The following CLCN3 variants were observed in gnomAD, a reference collection of about 807,000 sequenced individuals.
CLCN3 encodes the protein H(+)/Cl(-) exchange transporter 3.
A neutral mutation model predicts 83.4 loss-of-function variants in CLCN3; 16 were observed. The ratio of observed to expected loss-of-function variants is 0.19; its 90% CI spans 0.13 to 0.29. The LOEUF (loss-of-function observed/expected upper bound fraction) is 0.29. Among genes scored for constraint, CLCN3 ranks in the 10% least tolerant of loss-of-function variants. The pLI is 1.00. For missense variants in CLCN3, 544 were observed against 1,006.0 expected (o/e 0.54, Z 6.21); for synonymous variants, 322 against 346.2 (o/e 0.93, Z 0.78).
intron 4 of CLCN3, among the ~76,000 whole-genome samples, chr4:169,688,394 C>T (rs1023998203): frequency 6.6e-6 from 1 of 152,180 alleles, no homozygotes; most frequent in African/African-American, 2.4e-5. Context: ...GTTATAATCA[C>T]TTTCAGCTTC....
chr4:169,718,387 C>T (rs1056946385), intron 12 of CLCN3, among the ~76,000 whole-genome samples: 2 of 151,990 alleles, frequency 1.3e-5, no homozygotes, highest in African/African-American at 4.8e-5. Flanking sequence ...GGCACACTAA[C>T]TAGAGTGTAA....
Position 169,723,593 on chromosome 4 carries a change from A to G in CLCN3, c.*3596A>G, listed in dbSNP as rs1733703314. ...TGGACATTTGCTAATAGAACTGCCA[A>G]AAGAGGGTGGTAAGTAACAACCTTT... On this transcript the variant is annotated 3_prime_UTR_variant, in exon 13 of 13. Coordinates refer to ENST00000513761, the MANE Select transcript of CLCN3 (RefSeq NM_001829.4). 1 of 152,352 alleles carries G rather than the reference A, an allele frequency of 6.6e-6. No homozygotes were observed. The highest frequency in any genetic ancestry group is 1.9e-4 in the East Asian group (1 of 5,188). 9.4% of individuals were successfully genotyped at this position (152,352 alleles called of 1,614,324 possible).
chr4:169,690,026 G>A (rs943221737), intron 5 of CLCN3, among the ~76,000 whole-genome samples: 1 of 151,926 alleles, frequency 6.6e-6, no homozygotes, highest in African/African-American at 2.4e-5. Context: ...CTTGGTATAT[G>A]TAGGCATTAA....
rs1581271548 is a variant in CLCN3, at chr4:169,703,944, C to G, written c.1564-54C>G. 1.3e-5 allele frequency: 19 copies of G among 1,517,716 alleles called. No individual in the cohort carries two copies. The East Asian group carries it at 4.3e-4, about 34-fold the overall frequency. The allele number at this position is 1,517,716 out of a possible 1,614,324, so 94.0% of individuals were successfully genotyped here. A position where few individuals can be genotyped will look rare whatever the true frequency, so the allele number is the denominator to read the frequency against. On this transcript the variant is annotated intron_variant, in intron 9 of 12. Coordinates refer to ENST00000513761, the MANE Select transcript of CLCN3 (RefSeq NM_001829.4). ...AAATAAATGCATAGAATGTAAGTTT[C>G]AGGCATGTGAGTAGAGGATCTCTGC... is the stretch of plus-strand genomic sequence containing the variant.
chr4:169,695,735 C>T (rs1732537299), intron 8 of CLCN3, 43 bp downstream of exon 8: 1 of 1,274,528 alleles, frequency 7.8e-7, no homozygotes, highest in Non-Finnish European at 1.1e-6. Context: ...ATATAATTAC[C>T]ATTACAAATA....
intron 4 of CLCN3, among the ~76,000 whole-genome samples, chr4:169,688,731 TA>T (rs1732254986): frequency 6.6e-6 from 1 of 152,180 alleles, no homozygotes. Flanking sequence ...GATTGAAAAT[TA>T]GATTTGTGAA....
chr4:169,643,743 T>C (rs1173424034), intron 2 of CLCN3, among the ~76,000 whole-genome samples: 1 of 152,154 alleles, frequency 6.6e-6, no homozygotes, highest in Non-Finnish European at 1.5e-5. Context: ...ACTATGTTGC[T>C]CAGGCTGATG....
intron 2 of CLCN3, among the ~76,000 whole-genome samples, chr4:169,651,177 T>A (rs997911307): frequency 7.9e-5 from 12 of 152,008 alleles, no homozygotes; most frequent in African/African-American, 1.9e-4. Flanking sequence ...GCAAAAAAAA[T>A]TTTTCTTCTT....
At chr4:169,630,967 A>G (rs1206864859) in intron 1 of CLCN3, among the ~76,000 whole-genome samples, 1 of 152,220 alleles carries the variant, frequency 6.6e-6, no homozygotes. Flanking sequence ...TCTTTTGGGT[A>G]TATACCCAGT....
chr4:169,709,382 T>TAA (rs111680594), intron 11 of CLCN3, among the ~76,000 whole-genome samples: 7 of 145,246 alleles, frequency 4.8e-5, no homozygotes, highest in African/African-American at 7.5e-5. Context: ...GCTGAGACTT[T>TAA]AAAAAAAAAA....
At chr4:169,715,502 T>C (rs993695970) in intron 12 of CLCN3, among the ~76,000 whole-genome samples, 16 of 152,126 alleles carry the variant, frequency 1.1e-4, no homozygotes, top group African/African-American at 3.9e-4. Flanking sequence ...GTGTTTTTTT[T>C]CTCACTTAAA....
chr4:169,698,250 C>G (rs752009651), intron 9 of CLCN3, among the ~76,000 whole-genome samples: 9 of 152,162 alleles, frequency 5.9e-5, no homozygotes, highest in Non-Finnish European at 1.3e-4. Context: ...AATCCAATTA[C>G]ACTCTTAATT....
intron 1 of CLCN3, among the ~76,000 whole-genome samples, chr4:169,628,105 C>A (rs1434691117): frequency 6.6e-6 from 1 of 152,138 alleles, no homozygotes; most frequent in South Asian, 2.1e-4. Context: ...TGTCCCATTC[C>A]CAACCCCCCA....
At chr4:169,670,946 A>T (rs1020981920) in intron 2 of CLCN3, among the ~76,000 whole-genome samples, 1 of 152,200 alleles carries the variant, frequency 6.6e-6, no homozygotes, top group African/African-American at 2.4e-5. Flanking sequence ...GTCAAAAAAG[A>T]ATAGATGTGG....
At chr4:169,659,692 C>T (rs1730985364) in intron 2 of CLCN3, among the ~76,000 whole-genome samples, 1 of 152,060 alleles carries the variant, frequency 6.6e-6, no homozygotes, top group Non-Finnish European at 1.5e-5. Context: ...TTTTTAAATC[C>T]TCAATGAAAG....
At position 169,672,511 on chromosome 4, in the gene CLCN3, C is replaced by T. The variant is rs72694786; in HGVS notation, c.161-7539C>T. On this transcript the variant is annotated intron_variant, in intron 2 of 12. Coordinates refer to ENST00000513761, the MANE Select transcript of CLCN3 (RefSeq NM_001829.4). ...AAGAGAACTTTAATTTATGCTGTGA[C>T]GGTACCTAAAAGATACATCCTTTAT... Among the ~76,000 whole-genome samples, 642 of 152,044 alleles carry T rather than the reference C, an allele frequency of 4.2e-3. 7 individuals are homozygous for T. The highest frequency in any genetic ancestry group is 0.036 in the South Asian group (174 of 4,818).
chr4:169,658,372 C>T (rs916179144), intron 2 of CLCN3, among the ~76,000 whole-genome samples: 1 of 151,948 alleles, frequency 6.6e-6, no homozygotes, highest in African/African-American at 2.4e-5. Context: ...TGCTGACTGT[C>T]ATTTTCATTC....
At chr4:169,669,007 C>A (rs1482773703) in intron 2 of CLCN3, among the ~76,000 whole-genome samples, 1 of 152,004 alleles carries the variant, frequency 6.6e-6, no homozygotes, top group African/African-American at 2.4e-5. Context: ...GGACTGCATG[C>A]AGTGAGGGAC....
chr4:169,642,728 G>T (rs1392661519), intron 2 of CLCN3: 1 of 152,232 alleles, frequency 6.6e-6, no homozygotes, highest in African/African-American at 2.4e-5. Flanking sequence ...TCTCCATGTT[G>T]CTCAGGCTGG....
Sources: allele counts gnomAD v4.1 joint callset (sites outside exome capture counted in the v4.1 genomes callset), GRCh38; gene constraint gnomAD v4.1.1; transcripts MANE v1.5; gene names NCBI Gene and HGNC (gene_info 2026-07-23, HGNC 2026-07-21).